PPP1R21: variants seen among roughly 807,000 people sequenced by gnomAD.
PPP1R21 encodes the protein KLRAQ motif containing 1.
A neutral mutation model predicts 112.8 loss-of-function variants in PPP1R21; 85 were observed. The observed-to-expected ratio is 0.75, with a 90% CI of 0.63 to 0.90. The LOEUF is 0.90. Among genes scored for constraint, PPP1R21 ranks in the 40% least tolerant of loss-of-function variants. The pLI is 0.00. For synonymous variants in PPP1R21, 381 were observed against 322.3 expected, an observed-to-expected ratio of 1.18 and a Z score of -1.95; for missense variants, 1,199 against 901.5, an observed-to-expected ratio of 1.33 and a Z score of -4.23.
At chr2:48,482,347 A>T (rs1032637968) in intron 13 of PPP1R21, among the ~76,000 whole-genome samples, 12 of 152,234 alleles carry the variant, frequency 7.9e-5, no homozygotes, top group Admixed American at 7.2e-4. Flanking sequence ...TCTTATAGAC[A>T]GAAGAATGGT....
At chr2:48,447,746 C>G (rs1336195724) in intron 1 of PPP1R21, among the ~76,000 whole-genome samples, 1 of 151,992 alleles carries the variant, frequency 6.6e-6, no homozygotes, top group Non-Finnish European at 1.5e-5. Flanking sequence ...GTCAGGAGTT[C>G]AAGACCAGCC....
Position 48,507,263 on chromosome 2 carries a change from A to G in PPP1R21, c.1969-6A>G, listed in dbSNP as rs200516432. On this transcript the variant is annotated splice_region_variant and splice_polypyrimidine_tract_variant and intron_variant, in intron 18 of 21. Coordinates refer to ENST00000294952, the MANE Select transcript of PPP1R21 (RefSeq NM_001135629.3). ...GTTTATTTATGTGTATTTGTGTTCTATTTAGGTTCCAGATGTGGAATCTCG... is the reference window on the plus strand; with the variant it reads ...GTTTATTTATGTGTATTTGTGTTCTGTTTAGGTTCCAGATGTGGAATCTCG... 3,140 of 1,488,330 alleles carry G rather than the reference A, an allele frequency of 2.1e-3. 4 individuals carry two copies. Among genetic ancestry groups the G allele is most frequent in the Non-Finnish European group, 2.6e-3 (2,894 of 1,126,210 alleles). The allele number at this position is 1,488,330 out of a possible 1,614,324, so 92.2% of individuals were successfully genotyped here.
rs772737270 is a variant in PPP1R21, at chr2:48,490,974, A to G, written c.1447-44A>G. ...ACTATTAGATATATATTTTAGATAT[A>G]TTGTTGGAAAACAAAATCTATTTCC... On this transcript the variant is annotated intron_variant, in intron 14 of 21. Coordinates refer to ENST00000294952, the MANE Select transcript of PPP1R21 (RefSeq NM_001135629.3). 7 of 1,554,272 alleles carry G rather than the reference A, an allele frequency of 4.5e-6. No homozygotes were observed. The South Asian group carries it at 6.7e-5, about 15-fold the overall frequency.
intron 7 of PPP1R21, among the ~76,000 whole-genome samples, chr2:48,464,389 A>T (rs1401728698): frequency 6.6e-6 from 1 of 152,006 alleles, no homozygotes; most frequent in Non-Finnish European, 1.5e-5. Flanking sequence ...GAGTTTGAGG[A>T]GGTATGGCTA....
At chr2:48,446,975 T>G (rs1202717346) in intron 1 of PPP1R21, among the ~76,000 whole-genome samples, 2 of 152,206 alleles carry the variant, frequency 1.3e-5, no homozygotes, top group South Asian at 4.1e-4. Context: ...GGTTTTGAAC[T>G]CCTGACCTCA....
intron 2 of PPP1R21, among the ~76,000 whole-genome samples, chr2:48,453,928 T>C (rs370749761): frequency 1.3e-5 from 2 of 152,272 alleles, no homozygotes; most frequent in South Asian, 4.1e-4. Context: ...TCTTTTTCAC[T>C]GAAGGGAATC....
intron 1 of PPP1R21, among the ~76,000 whole-genome samples, chr2:48,443,912 C>A (rs1171739553): frequency 6.6e-6 from 1 of 152,150 alleles, no homozygotes; most frequent in Non-Finnish European, 1.5e-5. Flanking sequence ...GGAAGCCCAT[C>A]AAGAAAGCAG....
At chr2:48,461,023 A>G in intron 6 of PPP1R21, 115 bp from the exon 7 acceptor site, 1 of 1,447,510 alleles carries the variant, frequency 6.9e-7, no homozygotes, top group Admixed American at 3.5e-5. Context: ...AGAGTATCCC[A>G]GATGTCAGGT....
At chr2:48,502,925 C>T (rs1368817995) in intron 17 of PPP1R21, among the ~76,000 whole-genome samples, 1 of 152,002 alleles carries the variant, frequency 6.6e-6, no homozygotes, top group Non-Finnish European at 1.5e-5. Context: ...TGTGATCCGC[C>T]CACCTCGGCC....
At position 48,440,833 on chromosome 2, in the gene PPP1R21, G is replaced by GGCGGCTGCT; in HGVS notation, c.-119_-118insGGCTGCTGC. ...GAGGCGCGGCGGCGGCGGCGGCGGCGGCTGCGGTGGCCAAGCAGGCAGATA... is the reference window on the plus strand; with the variant it reads ...GAGGCGCGGCGGCGGCGGCGGCGGCGGCGGCTGCTGCTGCGGTGGCCAAGCAGGCAGATA... On this transcript the variant is annotated 5_prime_UTR_variant, in exon 1 of 22. Transcript: ENST00000294952. 1 of 701,668 alleles carries GGCGGCTGCT rather than the reference G, an allele frequency of 1.4e-6. No homozygotes were observed. The highest frequency in any genetic ancestry group is 2.4e-6 in the Non-Finnish European group (1 of 413,602). 43.5% of individuals were successfully genotyped at this position (701,668 alleles called of 1,614,324 possible). A position where few individuals can be genotyped will look rare whatever the true frequency, so the allele number is the denominator to read the frequency against.
chr2:48,471,256 T>G, intron 10 of PPP1R21, 23 bp from the exon 11 acceptor site: 1 of 1,608,812 alleles, frequency 6.2e-7, no homozygotes, highest in Non-Finnish European at 8.5e-7. Context: ...ACTTTTAACC[T>G]TGAAATTATT....
chr2:48,462,218 A>G (rs1420395644), intron 7 of PPP1R21, among the ~76,000 whole-genome samples: 1 of 152,178 alleles, frequency 6.6e-6, no homozygotes, highest in African/African-American at 2.4e-5. Flanking sequence ...TCACATGTGG[A>G]CTATTACTTT....
intron 20 of PPP1R21, among the ~76,000 whole-genome samples, chr2:48,510,510 C>T (rs1670591156): frequency 6.6e-6 from 1 of 152,228 alleles, no homozygotes. Context: ...TTCTTACTCA[C>T]TGCCTGGTTT....
At chr2:48,451,582 G>A (rs182709176) in intron 2 of PPP1R21, among the ~76,000 whole-genome samples, 7 of 152,314 alleles carry the variant, frequency 4.6e-5, no homozygotes, top group Admixed American at 3.9e-4. Context: ...TTTACCATCA[G>A]CATTTTTGTT....
chr2:48,506,888 G>A (rs1286844094), intron 18 of PPP1R21, among the ~76,000 whole-genome samples: 1 of 149,728 alleles, frequency 6.7e-6, no homozygotes, highest in Non-Finnish European at 1.5e-5. Flanking sequence ...GGAGCTTGCA[G>A]TGAGCCAAGA....
At chr2:48,480,340 C>T (rs558213714) in intron 13 of PPP1R21, among the ~76,000 whole-genome samples, 7 of 152,328 alleles carry the variant, frequency 4.6e-5, no homozygotes, top group African/African-American at 1.4e-4. Flanking sequence ...TTGCAAAATA[C>T]GTTGCGCTTC....
rs369362341 is a variant in PPP1R21, at chr2:48,471,141, A to G, written c.952A>G (p.Met318Val). 6 of 1,613,212 alleles carry G rather than the reference A, an allele frequency of 3.7e-6. No homozygotes were observed. The highest frequency in any genetic ancestry group is 1.3e-5 in the African/African-American group (1 of 75,038). ...ASYVRPLEEG[M>V]LHLFESITED... is the part of the protein sequence containing the mutation. ...CTATGTCCGCCCTCTTGAGGAAGGA[A>G]TGCTTCATTTATTTGAAAGTATCAC... is the stretch of plus-strand genomic sequence containing the variant. Residue 318 changes from methionine (M) to valine (V), a missense_variant, in exon 10 of 22, where the codon ATG becomes GTG. Transcript: ENST00000294952.
intron 3 of PPP1R21, among the ~76,000 whole-genome samples, chr2:48,455,587 T>G (rs1170263761): frequency 1.3e-5 from 2 of 152,184 alleles, no homozygotes; most frequent in Non-Finnish European, 2.9e-5. Context: ...ATGTAGTTGG[T>G]TTAGTGGCCG....
At position 48,454,868 on chromosome 2, in the gene PPP1R21, C is replaced by A. The variant is rs141240162; in HGVS notation, c.273+127C>A. 7.0e-4 allele frequency: 501 copies of A among 716,174 alleles called. 2 individuals carry two copies. The East Asian group carries it at 0.011, about 16-fold the overall frequency. 44.4% of individuals were successfully genotyped at this position (716,174 alleles called of 1,614,324 possible). ...TTTCTTTGTTTGTTTGAGACAGGGT[C>A]TTGCTCTGCCACCCATGCTGGAGTG... On this transcript the variant is annotated intron_variant, in intron 3 of 21. Coordinates refer to ENST00000294952, the MANE Select transcript of PPP1R21 (RefSeq NM_001135629.3).
Sources: allele counts gnomAD v4.1 joint callset (sites outside exome capture counted in the v4.1 genomes callset), GRCh38; gene constraint gnomAD v4.1.1; transcripts MANE v1.5; gene names NCBI Gene and HGNC (gene_info 2026-07-23, HGNC 2026-07-21).